Variants in CNTRL observed in about 807,000 individuals in gnomAD.
The protein encoded by CNTRL is centriolin, also known as 110 kDa centrosomal protein.
CNTRL carries 233 observed loss-of-function variants against 303.7 expected under a neutral mutation model. The ratio of observed to expected loss-of-function variants is 0.77; its 90% confidence interval spans 0.69 to 0.86. The LOEUF (loss-of-function observed/expected upper bound fraction) is 0.86. Ranked by LOEUF, CNTRL falls within the 40% of genes least tolerant of loss-of-function variation. The pLI is 0.00. For synonymous variants in CNTRL, 900 were observed against 922.2 expected (o/e 0.98, Z 0.44); for missense variants, 2,524 against 2,650.6 (o/e 0.95, Z 1.05).
intron 7 of CNTRL, among the ~76,000 whole-genome samples, chr9:121,103,248 AT>A (rs1018309448): frequency 1.3e-5 from 2 of 152,198 alleles, no homozygotes; most frequent in Non-Finnish European, 2.9e-5. Flanking sequence ...AACACCACAC[AT>A]CTATAACCAT....
At chr9:121,141,935 A>G (rs1020122316) in intron 18 of CNTRL, among the ~76,000 whole-genome samples, 156 bp from the exon 19 acceptor site, 4 of 152,244 alleles carry the variant, frequency 2.6e-5, no homozygotes, top group African/African-American at 9.6e-5. Context: ...AATGACTCCT[A>G]GAGATCGTTC....
Position 121,113,526 on chromosome 9 carries a change from G to T in CNTRL, c.1147G>T (p.Asp383Tyr), listed in dbSNP as rs1299256768. The stretch of plus-strand genomic sequence containing the variant: ...GTATGCTGAAATTGATAAAGCCCCA[G>T]ATGAAAGCCCTTACATTGGCAAATC... ...SEYAEIDKAP[D>Y]ESPYIGKSRY... is the part of the protein sequence containing the mutation. The change falls in exon 10 of 44, where the codon GAT (aspartate) becomes TAT (tyrosine). Residue 383 changes from aspartate to tyrosine, a missense_variant. Transcript: ENST00000373855. 6.3e-7 allele frequency: 1 copy of T among 1,587,332 alleles called. No homozygotes were observed. Among genetic ancestry groups the T allele is most frequent in the Non-Finnish European group, 8.5e-7 (1 of 1,171,936 alleles).
intron 7 of CNTRL, among the ~76,000 whole-genome samples, chr9:121,099,401 C>T (rs539289628): frequency 3.3e-5 from 5 of 152,274 alleles, no homozygotes; most frequent in African/African-American, 7.2e-5. Flanking sequence ...CCTATCTGTA[C>T]GTCACCATCA....
intron 11 of CNTRL, among the ~76,000 whole-genome samples, chr9:121,115,487 A>G (rs1008054372): frequency 1.3e-5 from 2 of 152,178 alleles, no homozygotes; most frequent in Non-Finnish European, 2.9e-5. Flanking sequence ...TTCTATTTTA[A>G]TTAAGCACTC....
rs867421063 is a variant in CNTRL at position 121,088,384 on chromosome 9, C to T, written c.58C>T (p.His20Tyr). The T allele has an allele frequency of 1.2e-6, 2 of 1,613,644 alleles. No homozygotes were observed. Among genetic ancestry groups the T allele is most frequent in the South Asian group, 1.1e-5 (1 of 91,062 alleles). ...FSKAKIPSSS[H>Y]SPIPSSMSNM... is the part of the protein sequence containing the mutation. ...CAAAGCAAAGATACCATCATCATCTCACTCTCCTATCCCATCATCTATGTC... is the reference window on the plus strand; with the variant it reads ...CAAAGCAAAGATACCATCATCATCTTACTCTCCTATCCCATCATCTATGTC... Residue 20 changes from histidine (H) to tyrosine (Y), a missense_variant, in exon 3 of 44, where the codon CAC (histidine) becomes TAC (tyrosine). Physicochemically the swap from His to Tyr is moderately conservative, Grantham distance 83. Transcript: ENST00000373855.
chr9:121,159,727 TG>T (rs2052760463), intron 31 of CNTRL, among the ~76,000 whole-genome samples: 4 of 152,048 alleles, frequency 2.6e-5, no homozygotes, highest in African/African-American at 7.2e-5. Flanking sequence ...TTCTTTCTTC[TG>T]GAAGAAGGAG....
At chr9:121,121,986 T>TA in intron 12 of CNTRL, 3 of 930,030 alleles carry the variant, frequency 3.2e-6, no homozygotes, top group Non-Finnish European at 3.8e-6. Context: ...ACAAAGGACT[T>TA]AAAAGGAGGA....
At chr9:121,150,540 G>T in intron 25 of CNTRL, 57 bp downstream of exon 25, 1 of 1,508,556 alleles carries the variant, frequency 6.6e-7, no homozygotes. Context: ...TGACTGATAA[G>T]GTTATATACT....
chr9:121,148,964 C>A, intron 24 of CNTRL, 103 bp downstream of exon 24: 2 of 1,035,250 alleles, frequency 1.9e-6, no homozygotes, highest in South Asian at 3.3e-5. Context: ...CCTTAGCTAG[C>A]TCCATGAGGT....
In CNTRL at chr9:121,138,663, AACTTAAAC is replaced by A; in HGVS notation, c.2326_2333del (p.Lys776AlafsTer3). ...CAAGAGAACAGTGAGCTCCATGCAA[AACTTAAAC>A]ACTTGCAGGTAGAGATTTGTTGTTT... On this transcript the variant is annotated frameshift_variant, in exon 16 of 44. Transcript: ENST00000373855. LOFTEE classifies it high-confidence loss of function. 1 of 1,613,674 alleles carries A rather than the reference AACTTAAAC, an allele frequency of 6.2e-7. No individual in the cohort carries two copies. The highest frequency in any genetic ancestry group is 8.5e-7 in the Non-Finnish European group (1 of 1,179,756).
At chr9:121,163,740 A>C (rs1172436841) in intron 34 of CNTRL, among the ~76,000 whole-genome samples, 2 of 152,222 alleles carry the variant, frequency 1.3e-5, no homozygotes, top group East Asian at 3.8e-4. Flanking sequence ...TGGATGGCAA[A>C]TAAACACATG....
chr9:121,155,745 C>A (rs938130762), intron 27 of CNTRL, among the ~76,000 whole-genome samples: 1 of 152,218 alleles, frequency 6.6e-6, no homozygotes, highest in African/African-American at 2.4e-5. Context: ...ACCTTCCTGG[C>A]AGCCCTGTGT....
rs202115374 is a variant in CNTRL, at chr9:121,158,128, T to G, written c.4764+19T>G. The G allele has an allele frequency of 1.1e-5, 17 of 1,609,972 alleles. No individual in the cohort carries two copies. The highest frequency in any genetic ancestry group is 1.3e-5 in the Non-Finnish European group (15 of 1,178,954). On this transcript the variant is annotated intron_variant, in intron 30 of 43. Coordinates refer to ENST00000373855, the MANE Select transcript of CNTRL (RefSeq NM_007018.6). The stretch of plus-strand genomic sequence containing the variant: ...AAGCCAGGTATGGCAATAGACACCT[T>G]GAAAAAACAACTGACACAGCACTTT...
intron 7 of CNTRL, among the ~76,000 whole-genome samples, chr9:121,102,310 C>G (rs946492738): frequency 6.6e-6 from 1 of 152,194 alleles, no homozygotes; most frequent in Non-Finnish European, 1.5e-5. Flanking sequence ...ATATTATTAT[C>G]TCAATAGATG....
intron 7 of CNTRL, among the ~76,000 whole-genome samples, chr9:121,106,349 A>C (rs2132941833): frequency 6.6e-6 from 1 of 152,190 alleles, no homozygotes; most frequent in South Asian, 2.1e-4. Context: ...AAAAAAAAAA[A>C]AAAAAACCTA....
intron 3 of CNTRL, among the ~76,000 whole-genome samples, chr9:121,089,766 C>T (rs1342706605): frequency 6.6e-6 from 1 of 152,078 alleles, no homozygotes; most frequent in Non-Finnish European, 1.5e-5. Context: ...GTTTTATATT[C>T]CTCTGACTGG....
intron 40 of CNTRL, 106 bp downstream of exon 40, chr9:121,171,654 C>A: frequency 1.7e-6 from 2 of 1,159,722 alleles, no homozygotes; most frequent in Non-Finnish European, 2.3e-6. Flanking sequence ...TATAGAAAAG[C>A]TGATTATAAG....
chr9:121,166,865 T>C (rs553117245), intron 36 of CNTRL, among the ~76,000 whole-genome samples: 23 of 149,236 alleles, frequency 1.5e-4, no homozygotes, highest in African/African-American at 5.5e-4. Flanking sequence ...CTACTAAAAA[T>C]ACAAAATTAG....
rs1267443985 is a variant in CNTRL, at chr9:121,150,187, G to C, written c.3667G>C (p.Asp1223His). The C allele has an allele frequency of 6.2e-7, 1 of 1,611,764 alleles. No individual in the cohort carries two copies. Among genetic ancestry groups the C allele is most frequent in the East Asian group, 2.2e-5 (1 of 44,822 alleles). Residue 1223 changes from aspartate to histidine, a missense_variant, in exon 25 of 44, where the codon GAT becomes CAT. Transcript: ENST00000373855. ...FPSRDADSGG[D>H]SQEESELDDQ... The stretch of plus-strand genomic sequence containing the variant: ...CTTTGAAGATGCAGACAGTGGAGGA[G>C]ATAGTCAGGAAGAGAGTGAGCTGGA...
Sources: gnomAD v4.1 joint callset for allele counts (sites outside exome capture counted in the v4.1 genomes callset) on GRCh38, gnomAD v4.1.1 for gene constraint, MANE v1.5 for transcripts, NCBI Gene and HGNC (gene_info 2026-07-23, HGNC 2026-07-21) for gene names.